The following DYRK1A variants were observed in gnomAD, a reference collection of about 807,000 sequenced individuals.
DYRK1A encodes the protein dual specificity tyrosine phosphorylation regulated kinase 1A.
Under a neutral mutation model 79.7 loss-of-function variants are expected in DYRK1A, and 9 were observed. That is an observed-to-expected ratio of 0.11 (90% confidence interval 0.07 to 0.20). DYRK1A has a LOEUF of 0.20. DYRK1A is among the 10% of genes least tolerant of loss of function. DYRK1A has a pLI of 1.00. For synonymous variants in DYRK1A, 349 were observed against 329.7 expected (o/e 1.06, Z -0.63); for missense variants, 622 against 956.0 (o/e 0.65, Z 4.61).
intron 2 of DYRK1A, among the ~76,000 whole-genome samples, chr21:37,426,905 G>A (rs1163483453): frequency 7.8e-6 from 1 of 128,028 alleles, no homozygotes; most frequent in African/African-American, 3.1e-5. Context: ...GGGCTAAAGA[G>A]CGAGACTCGG....
chr21:37,435,989 C>T (rs2050913386), intron 2 of DYRK1A, among the ~76,000 whole-genome samples: 1 of 142,290 alleles, frequency 7.0e-6, no homozygotes, highest in Non-Finnish European at 1.5e-5. Flanking sequence ...GTAGGTTCTG[C>T]AGAAAAAAAA....
Position 37,525,984 on chromosome 21 carries a change from A to G in DYRK1A, c.*13453A>G, listed in dbSNP as rs1240672200. 3.3e-5 allele frequency: 5 copies of G among 152,254 alleles called. No homozygotes were observed. The highest frequency in any genetic ancestry group is 5.9e-5 in the Non-Finnish European group (4 of 68,050). The allele number at this position is 152,254 out of a possible 1,614,324, so 9.4% of individuals were successfully genotyped here. A position where few individuals can be genotyped will look rare whatever the true frequency, so the allele number is the denominator to read the frequency against. On this transcript the variant is annotated 3_prime_UTR_variant, in exon 12 of 12. Coordinates refer to ENST00000647188, the MANE Select transcript of DYRK1A (RefSeq NM_001347721.2). ...TTTCTTAAGGAATTCAGCCTAAACC[A>G]CAAGATAAAAACAGTGTTTATGTGA...
chr21:37,514,707 T>C lies in DYRK1A; in HGVS notation c.*2176T>C, dbSNP rs2053851969. 6.6e-6 allele frequency: 1 copy of C among 152,632 alleles called. No individual in the cohort carries two copies. The highest frequency in any genetic ancestry group is 1.5e-5 in the Non-Finnish European group (1 of 68,028). 9.5% of individuals were successfully genotyped at this position (152,632 alleles called of 1,614,324 possible). ...ACTGTCAAGCCTGTGGATGATTTTT[T>C]TGAACTTGGTAGTTCATAAAGGTTT... On this transcript the variant is annotated 3_prime_UTR_variant, in exon 12 of 12. Transcript: ENST00000647188.
rs2053575640 is a variant in DYRK1A, at chr21:37,505,703, TACTTA to T, written c.1519+116_1519+120del. 5 of 1,150,294 alleles carry T rather than the reference TACTTA, an allele frequency of 4.3e-6. No individual in the cohort carries two copies. In the South Asian group the frequency reaches 8.0e-5, roughly 18 times the overall value. The allele number at this position is 1,150,294 out of a possible 1,614,324, so 71.3% of individuals were successfully genotyped here. ...TTAATAGAGTGGGGAGCAGTTACTT[TACTTA>T]AATCTGTTCTTTGTAGTTAGTAGTA... On this transcript the variant is annotated intron_variant, in intron 10 of 11. Coordinates refer to ENST00000647188, the MANE Select transcript of DYRK1A (RefSeq NM_001347721.2).
At chr21:37,458,335 A>C (rs770396518) in intron 2 of DYRK1A, among the ~76,000 whole-genome samples, 3 of 148,282 alleles carry the variant, frequency 2.0e-5, no homozygotes, top group African/African-American at 7.4e-5. Flanking sequence ...ATATTTTAAA[A>C]ATTTTACATA....
At chr21:37,454,388 T>C (rs543606291) in intron 2 of DYRK1A, among the ~76,000 whole-genome samples, 1 of 152,268 alleles carries the variant, frequency 6.6e-6, no homozygotes, top group East Asian at 1.9e-4. Context: ...CCACCGTACC[T>C]GATCTCCATT....
chr21:37,417,535 T>TTTTTC (rs1569304612), intron 1 of DYRK1A, among the ~76,000 whole-genome samples: 3 of 35,190 alleles, frequency 8.5e-5, no homozygotes, highest in Non-Finnish European at 2.0e-4. Context: ...TTTTCTTTTT[T>TTTTTC]TTTTTTTTTT....
At chr21:37,492,946 C>A in intron 7 of DYRK1A, 71 bp from the exon 8 acceptor site, 4 of 1,278,298 alleles carry the variant, frequency 3.1e-6, no homozygotes, top group African/African-American at 1.5e-5. Context: ...AATATCAGAT[C>A]AATGTTTTTA....
chr21:37,482,227 TATC>T (rs76836651), intron 5 of DYRK1A, among the ~76,000 whole-genome samples: 39,317 of 152,006 alleles, frequency 0.26, 5,488 homozygotes, highest in South Asian at 0.4. Flanking sequence ...TGTTCTGTAT[TATC>T]GGGGGAAATT....
chr21:37,379,442 A>G (rs930058624), intron 1 of DYRK1A, among the ~76,000 whole-genome samples: 1 of 152,246 alleles, frequency 6.6e-6, no homozygotes, highest in Non-Finnish European at 1.5e-5. Flanking sequence ...CTTTGTTGGC[A>G]GTATACTAAA....
In DYRK1A at chr21:37,512,560, T is replaced by G. The variant is rs2053786166; in HGVS notation, c.*29T>G. On this transcript the variant is annotated 3_prime_UTR_variant, in exon 12 of 12. Transcript: ENST00000647188. ...CATTGAAACTTGAGTTTGTTTCTTG[T>G]GTGTTTTTATAGAAGTGGTGTTTTT... 6.3e-7 allele frequency: 1 copy of G among 1,596,242 alleles called. No individual in the cohort carries two copies. Among genetic ancestry groups the G allele is most frequent in the Non-Finnish European group, 8.6e-7 (1 of 1,169,232 alleles).
At chr21:37,397,163 A>AG (rs1386822045) in intron 1 of DYRK1A, among the ~76,000 whole-genome samples, 3 of 152,182 alleles carry the variant, frequency 2.0e-5, no homozygotes, top group Non-Finnish European at 2.9e-5. Context: ...CCCAGCCACA[A>AG]GGGAGCCTGG....
intron 1 of DYRK1A, among the ~76,000 whole-genome samples, chr21:37,370,892 T>C (rs1318405911): frequency 6.6e-6 from 1 of 152,224 alleles, no homozygotes; most frequent in African/African-American, 2.4e-5. Flanking sequence ...TGAAAGTGAA[T>C]TGTGTGACCA....
intron 11 of DYRK1A, 102 bp from the exon 12 acceptor site, chr21:37,511,809 T>C: frequency 7.4e-7 from 1 of 1,354,320 alleles, no homozygotes; most frequent in South Asian, 1.4e-5. Context: ...CGTTTCCCCC[T>C]GATTAATATG....
rs2053903948 is a variant in DYRK1A, at chr21:37,518,571, A to G, written c.*6040A>G. On this transcript the variant is annotated 3_prime_UTR_variant, in exon 12 of 12. Transcript: ENST00000647188. ...CCTGCAGCCAGGCAGGACTCTGGCA[A>G]GAAGAGGCGTGTGGCTAATATGACG... is the stretch of plus-strand genomic sequence containing the variant. 1 of 151,556 alleles carries G rather than the reference A, an allele frequency of 6.6e-6. No homozygotes were observed. Among genetic ancestry groups the G allele is most frequent in the East Asian group, 1.9e-4 (1 of 5,170 alleles). The allele number at this position is 151,556 out of a possible 1,614,324, so 9.4% of individuals were successfully genotyped here.
chr21:37,488,183 T>G (rs1405978507), intron 6 of DYRK1A: 2 of 191,366 alleles, frequency 1.0e-5, no homozygotes, highest in Non-Finnish European at 1.9e-5. Context: ...AATGATCATA[T>G]TATTAATTGT....
intron 2 of DYRK1A, among the ~76,000 whole-genome samples, chr21:37,470,162 A>G (rs928715988): frequency 1.3e-5 from 2 of 152,058 alleles, no homozygotes; most frequent in East Asian, 3.9e-4. Context: ...ATAAATAAAA[A>G]CAAATCGGGT....
At chr21:37,398,372 A>C (rs1487948055) in intron 1 of DYRK1A, among the ~76,000 whole-genome samples, 1 of 151,734 alleles carries the variant, frequency 6.6e-6, no homozygotes, top group African/African-American at 2.4e-5. Flanking sequence ...GTGCCGTAAA[A>C]ATTTTTAGGT....
chr21:37,433,728 C>T (rs1013550786), intron 2 of DYRK1A, among the ~76,000 whole-genome samples: 2 of 151,894 alleles, frequency 1.3e-5, no homozygotes, highest in Non-Finnish European at 2.9e-5. Flanking sequence ...GTGAATGATC[C>T]TGAGCTAATC....
Sources: gnomAD v4.1 joint callset for allele counts (sites outside exome capture counted in the v4.1 genomes callset) on GRCh38, gnomAD v4.1.1 for gene constraint, MANE v1.5 for transcripts, NCBI Gene and HGNC (gene_info 2026-07-23, HGNC 2026-07-21) for gene names.